CARMIL1: variants seen among roughly 807,000 people sequenced by gnomAD.
The protein encoded by CARMIL1 is capping protein regulator and myosin 1 linker 1.
In CARMIL1, 90 loss-of-function variants were observed where a neutral mutation model predicts 177.1. That is an observed-to-expected ratio of 0.51 (90% confidence interval 0.43 to 0.61). The LOEUF is 0.61. Ranked by LOEUF, CARMIL1 falls within the 20% of genes least tolerant of loss-of-function variation. The pLI, the probability that CARMIL1 is intolerant of heterozygous loss-of-function variation, is 0.00. For synonymous variants in CARMIL1, 577 were observed against 606.2 expected (o/e 0.95, Z 0.71); for missense variants, 1,380 against 1,667.0 (o/e 0.83, Z 3.00).
intron 2 of CARMIL1, among the ~76,000 whole-genome samples, chr6:25,352,904 C>T (rs1328802716): frequency 3.3e-5 from 5 of 152,186 alleles, no homozygotes; most frequent in Non-Finnish European, 7.3e-5. Context: ...CTAACCTGAC[C>T]ATGGCTGCTG....
intron 23 of CARMIL1, among the ~76,000 whole-genome samples, chr6:25,525,646 T>C (rs1807021566): frequency 6.6e-6 from 1 of 152,228 alleles, no homozygotes; most frequent in African/African-American, 2.4e-5. Context: ...AACCACAATG[T>C]ACTGGGTGAA....
chr6:25,315,171 G>A (rs141378497), intron 2 of CARMIL1, among the ~76,000 whole-genome samples: 45 of 152,330 alleles, frequency 3.0e-4, no homozygotes, highest in African/African-American at 9.9e-4. Flanking sequence ...GAGGCAGAGT[G>A]TGGATGAGGC....
chr6:25,323,086 A>G (rs1037143650), intron 2 of CARMIL1, among the ~76,000 whole-genome samples: 13 of 152,132 alleles, frequency 8.5e-5, no homozygotes, highest in African/African-American at 2.2e-4. Flanking sequence ...TTCCAGATTC[A>G]TTTGGAAGGT....
In CARMIL1 at chr6:25,491,897, C is replaced by A. The variant is rs376685472; in HGVS notation, c.1144-51C>A. ...TGTAGGGGACCTCTAATAAAAGATT[C>A]TCCTGGACCTAGAAATACTTGAAAA... is the stretch of plus-strand genomic sequence containing the variant. On this transcript the variant is annotated intron_variant, in intron 14 of 36. Transcript: ENST00000329474. The A allele has an allele frequency of 3.9e-4, 623 of 1,581,110 alleles. 1 individual carries two copies. The highest frequency in any genetic ancestry group is 3.2e-3 in the African/African-American group (238 of 74,132).
chr6:25,514,518 C>G (rs1419909374), intron 20 of CARMIL1, among the ~76,000 whole-genome samples: 2 of 139,750 alleles, frequency 1.4e-5, no homozygotes, highest in African/African-American at 5.4e-5. Flanking sequence ...CTGCAGCACT[C>G]CAGCTTGGGG....
intron 2 of CARMIL1, among the ~76,000 whole-genome samples, chr6:25,376,896 C>T (rs1240489866): frequency 6.6e-6 from 1 of 152,086 alleles, no homozygotes; most frequent in Non-Finnish European, 1.5e-5. Context: ...GAGGTCTTTT[C>T]AAGGGAAAGG....
At position 25,556,774 on chromosome 6, in the gene CARMIL1, A is replaced by G; in HGVS notation, c.2666A>G (p.Lys889Arg). 1 of 1,613,702 alleles carries G rather than the reference A, an allele frequency of 6.2e-7. No homozygotes were observed. The highest frequency in any genetic ancestry group is 8.5e-7 in the Non-Finnish European group (1 of 1,179,726). Reference sequence around the variant, plus strand: ...TTAGAGATCGAGCTGGCTGAGGAGAAGCCAGTTAAACGTTCCATCATCACA... The same window carrying G: ...TTAGAGATCGAGCTGGCTGAGGAGAGGCCAGTTAAACGTTCCATCATCACA... ...ESLEIELAEE[K>R]PVKRSIITVE... Residue 889 changes from lysine to arginine, a missense_variant, in exon 29 of 37, where the codon AAG (lysine) becomes AGG (arginine). By Grantham distance (26) the Lys-to-Arg change is conservative. Transcript: ENST00000329474.
chr6:25,602,142 C>T (rs1582494616), intron 33 of CARMIL1, among the ~76,000 whole-genome samples: 2 of 152,190 alleles, frequency 1.3e-5, no homozygotes, highest in Non-Finnish European at 1.5e-5. Context: ...CCAAAGTTCT[C>T]CCACCAACAT....
chr6:25,480,865 C>T (rs1420274704), intron 11 of CARMIL1, among the ~76,000 whole-genome samples: 5 of 151,160 alleles, frequency 3.3e-5, no homozygotes, highest in Middle Eastern at 3.4e-3. Context: ...GAACTACCCG[C>T]GCCCGCCACC....
intron 10 of CARMIL1, 77 bp downstream of exon 10, chr6:25,471,334 T>TG (rs965445681): frequency 6.8e-6 from 7 of 1,030,964 alleles, no homozygotes; most frequent in African/African-American, 3.3e-5. Context: ...ATTCATAGTT[T>TG]TTTTTTTTTT....
chr6:25,515,591 C>A lies in CARMIL1; in HGVS notation c.1633-84C>A. On this transcript the variant is annotated intron_variant, in intron 20 of 36. Transcript: ENST00000329474. The surrounding 1 kb of genome is among the most constrained non-coding windows in gnomAD (Gnocchi z 5.0). Reference sequence around the variant, plus strand: ...CAGACACGTGCAGTAGGTCCATCCCCTCTCATTCTCCACGAAATGCGTCGT... The same window carrying A: ...CAGACACGTGCAGTAGGTCCATCCCATCTCATTCTCCACGAAATGCGTCGT... 1.5e-6 allele frequency: 2 copies of A among 1,313,866 alleles called. No homozygotes were observed. The highest frequency in any genetic ancestry group is 2.2e-5 in the Admixed American group (1 of 45,924). 81.4% of individuals were successfully genotyped at this position (1,313,866 alleles called of 1,614,324 possible). A position where few individuals can be genotyped will look rare whatever the true frequency, so the allele number is the denominator to read the frequency against.
intron 8 of CARMIL1, chr6:25,452,570 A>G (rs1799085230): frequency 1.1e-5 from 2 of 185,250 alleles, no homozygotes; most frequent in African/African-American, 2.4e-5. Flanking sequence ...AAAAAGTGAC[A>G]CTAATAAAGC....
chr6:25,398,428 A>C (rs1162952394), intron 2 of CARMIL1, among the ~76,000 whole-genome samples: 1 of 152,246 alleles, frequency 6.6e-6, no homozygotes, highest in African/African-American at 2.4e-5. Flanking sequence ...CAGGTTTGTC[A>C]TGAGTGTCCT....
chr6:25,476,817 G>A (rs1218751104), intron 11 of CARMIL1, among the ~76,000 whole-genome samples: 2 of 152,066 alleles, frequency 1.3e-5, no homozygotes, highest in African/African-American at 2.4e-5. Context: ...GGGCCTGGGC[G>A]CGGTGGCTCA....
At chr6:25,514,174 G>A (rs1805724662) in intron 20 of CARMIL1, among the ~76,000 whole-genome samples, 1 of 152,144 alleles carries the variant, frequency 6.6e-6, no homozygotes, top group Non-Finnish European at 1.5e-5. Context: ...TAGGCTGCGT[G>A]GCTTTCAATA....
chr6:25,459,856 G>T (rs1031548196), intron 8 of CARMIL1, among the ~76,000 whole-genome samples: 7 of 152,316 alleles, frequency 4.6e-5, no homozygotes, highest in African/African-American at 1.7e-4. Flanking sequence ...ACTCATGAGA[G>T]GGTTCCCTCA....
chr6:25,435,536 G>A lies in CARMIL1; in HGVS notation c.303G>A (p.Glu101=), dbSNP rs775641718. The change falls in exon 5 of 37, where the codon GAG becomes GAA. Residue 101 remains glutamate, a synonymous_variant. Coordinates refer to ENST00000329474, the MANE Select transcript of CARMIL1 (RefSeq NM_017640.6). Reference sequence around the variant, plus strand: ...TTTCCATGAAGATGGCGTCACCCGAGGACGTGAGTGAGGTGCTGGCTCACA... The same window carrying A: ...TTTCCATGAAGATGGCGTCACCCGAAGACGTGAGTGAGGTGCTGGCTCACA... The part of the protein sequence containing the change: ...CSISMKMASP[E]DVSEVLAHIG... 2 of 1,556,202 alleles carry A rather than the reference G, an allele frequency of 1.3e-6. No individual in the cohort carries two copies. The highest frequency in any genetic ancestry group is 2.4e-5 in the East Asian group (1 of 41,490).
chr6:25,368,570 C>T (rs1790074499), intron 2 of CARMIL1, among the ~76,000 whole-genome samples: 1 of 152,148 alleles, frequency 6.6e-6, no homozygotes, highest in African/African-American at 2.4e-5. Context: ...AGACATTACT[C>T]AGGAATCTCA....
chr6:25,497,613 G>T (rs1803867105), intron 16 of CARMIL1, among the ~76,000 whole-genome samples: 1 of 152,170 alleles, frequency 6.6e-6, no homozygotes, highest in Non-Finnish European at 1.5e-5. Context: ...CTCTCAGCCA[G>T]CTGTCATGGG....
Sources: allele counts gnomAD v4.1 joint callset (sites outside exome capture counted in the v4.1 genomes callset), GRCh38; gene constraint gnomAD v4.1.1; non-coding constraint Gnocchi (gnomAD v3.1); transcripts MANE v1.5; gene names NCBI Gene and HGNC (gene_info 2026-07-23, HGNC 2026-07-21).